GBF1: variants seen among roughly 807,000 people sequenced by gnomAD.
GBF1 encodes the protein golgi brefeldin A resistant guanine nucleotide exchange factor 1, also known as Golgi-specific brefeldin A-resistance guanine nucleotide exchange factor 1.
A neutral mutation model predicts 210.5 loss-of-function variants in GBF1; 114 were observed. That is an observed-to-expected ratio of 0.54 (90% CI 0.47 to 0.63). GBF1 has a LOEUF of 0.63. Among genes scored for constraint, GBF1 ranks in the 30% least tolerant of loss-of-function variants. The probability of loss-of-function intolerance (pLI) is 0.00; values close to 1 mark genes in which losing one functional copy is unlikely to be tolerated. For missense variants in GBF1, 1,851 were observed against 2,357.7 expected (o/e 0.79, Z 4.45); for synonymous variants, 850 against 889.2 (o/e 0.96, Z 0.78).
At chr10:102,262,202 A>C (rs1167607114) in intron 3 of GBF1, among the ~76,000 whole-genome samples, 2 of 152,212 alleles carry the variant, frequency 1.3e-5, no homozygotes, top group African/African-American at 4.8e-5. Flanking sequence ...TGGAAATGTT[A>C]GCTAAGAAGG....
At chr10:102,360,517 G>C in intron 12 of GBF1, 122 bp downstream of exon 12, 1 of 666,222 alleles carries the variant, frequency 1.5e-6, no homozygotes, top group Non-Finnish European at 2.6e-6. Context: ...CAGTTGGCTA[G>C]TAGTTTTAGT....
chr10:102,327,339 A>G (rs111669791), intron 3 of GBF1, among the ~76,000 whole-genome samples: 1,857 of 152,320 alleles, frequency 0.012, 32 homozygotes, highest in African/African-American at 0.043. Flanking sequence ...GTGCAGCAAC[A>G]TTGAAGAACT....
At chr10:102,301,026 C>A (rs1272075379) in intron 3 of GBF1, among the ~76,000 whole-genome samples, 5 of 145,328 alleles carry the variant, frequency 3.4e-5, no homozygotes, top group African/African-American at 1.0e-4. Flanking sequence ...GTGTTTCTCG[C>A]AGAGGGGGAT....
At chr10:102,258,533 A>T (rs2072747669) in intron 1 of GBF1, among the ~76,000 whole-genome samples, 1 of 149,220 alleles carries the variant, frequency 6.7e-6, no homozygotes, top group South Asian at 2.2e-4. Flanking sequence ...GCACTTTGGG[A>T]GGCCCAGGCG....
intron 29 of GBF1, among the ~76,000 whole-genome samples, chr10:102,372,008 G>C (rs2060235795): frequency 6.6e-6 from 1 of 151,842 alleles, no homozygotes; most frequent in Non-Finnish European, 1.5e-5. Context: ...ACGAGGTCAG[G>C]AGATCAAGAC....
Position 102,345,646 on chromosome 10 carries a change from CAAAAAAAAAAAAA to C in GBF1, c.295+1478_295+1490del, listed in dbSNP as rs59037566. ...TGGGTGACAGAGCAAGACTCCGTCTCAAAAAAAAAAAAAAAAAAAAAAAAAAGCAGATAGTATT... is the reference window on the plus strand; with the variant it reads ...TGGGTGACAGAGCAAGACTCCGTCTCAAAAAAAAAAAAAGCAGATAGTATT... On this transcript the variant is annotated intron_variant, in intron 4 of 39. Coordinates refer to ENST00000369983, the MANE Select transcript of GBF1 (RefSeq NM_001377137.1). 1.7e-3 allele frequency among the ~76,000 whole-genome samples: 30 copies of C among 18,006 alleles called. No individual in the cohort carries two copies. In the East Asian group the frequency reaches 0.038, roughly 23 times the overall value. The allele number at this position is 18,006 out of a possible 152,430, so 11.8% of individuals were successfully genotyped here.
chr10:102,309,695 A>G (rs1174499012), intron 3 of GBF1, among the ~76,000 whole-genome samples: 1 of 152,152 alleles, frequency 6.6e-6, no homozygotes, highest in African/African-American at 2.4e-5. Context: ...TAGTTAAATC[A>G]TAACCTAGTT....
At chr10:102,246,033 T>C (rs1156959411) in intron 1 of GBF1, among the ~76,000 whole-genome samples, 1 of 152,226 alleles carries the variant, frequency 6.6e-6, no homozygotes, top group African/African-American at 2.4e-5. Flanking sequence ...CCAAATCTTC[T>C]GTTTTCCCAG....
chr10:102,293,736 A>G (rs1415467709), intron 3 of GBF1, among the ~76,000 whole-genome samples: 8 of 149,790 alleles, frequency 5.3e-5, no homozygotes, highest in Admixed American at 4.0e-4. Context: ...ATAAAGATAT[A>G]AGAAAATATT....
At chr10:102,248,994 G>A (rs4244350) in intron 1 of GBF1, among the ~76,000 whole-genome samples, 101,966 of 152,082 alleles carry the variant, frequency 0.67, 34,812 homozygotes, top group African/African-American at 0.81. Context: ...CTGTTTTAGA[G>A]TGCAGGCACA....
At chr10:102,344,311 AG>A in intron 4 of GBF1, 129 bp downstream of exon 4, 1 of 768,092 alleles carries the variant, frequency 1.3e-6, no homozygotes, top group Non-Finnish European at 2.2e-6. Flanking sequence ...CTTGTAGAAG[AG>A]AAATAGGATT....
At chr10:102,269,921 G>A (rs916425929) in intron 3 of GBF1, among the ~76,000 whole-genome samples, 4 of 147,514 alleles carry the variant, frequency 2.7e-5, no homozygotes, top group East Asian at 2.0e-4. Flanking sequence ...CTCTGTCACC[G>A]CGGCTAGAGT....
intron 1 of GBF1, among the ~76,000 whole-genome samples, chr10:102,257,934 C>T (rs1000556308): frequency 3.3e-4 from 50 of 152,150 alleles, no homozygotes; most frequent in African/African-American, 1.1e-3. Context: ...ACAGTTGTAT[C>T]TGTGTACTTA....
chr10:102,373,891 T>C (rs75335272), intron 29 of GBF1, among the ~76,000 whole-genome samples: 84 of 152,344 alleles, frequency 5.5e-4, no homozygotes, highest in African/African-American at 2.0e-3. Context: ...TGACTTTCAA[T>C]AGGTGAATAA....
chr10:102,333,011 C>T (rs1423185166), intron 3 of GBF1, among the ~76,000 whole-genome samples: 1 of 152,164 alleles, frequency 6.6e-6, no homozygotes, highest in Non-Finnish European at 1.5e-5. Flanking sequence ...GCATTTACTT[C>T]CAAATGGTAC....
Position 102,369,378 on chromosome 10 carries a change from T to G in GBF1, c.3141T>G (p.Ala1047=). The part of the protein sequence containing the change: ...QLFRAQLLPK[A]MIEVEDFVDP... ...TCCGAGCCCAACTACTGCCCAAGGC[T>G]ATGATAGAGGTAATTCTTAGTAGGA... Residue 1047 remains alanine (A), a synonymous_variant, in exon 24 of 40, where the codon GCT becomes GCG. Coordinates refer to ENST00000369983, the MANE Select transcript of GBF1 (RefSeq NM_001377137.1). The G allele has an allele frequency of 6.2e-7, 1 of 1,611,730 alleles. No homozygotes were observed. Among genetic ancestry groups the G allele is most frequent in the South Asian group, 1.1e-5 (1 of 91,032 alleles).
chr10:102,293,891 C>T (rs1286129760), intron 3 of GBF1, among the ~76,000 whole-genome samples: 1 of 149,606 alleles, frequency 6.7e-6, no homozygotes, highest in African/African-American at 2.5e-5. Context: ...CATTCTCCTG[C>T]CTCAGCTTCC....
At chr10:102,291,035 C>T (rs1487157624) in intron 3 of GBF1, among the ~76,000 whole-genome samples, 3 of 152,148 alleles carry the variant, frequency 2.0e-5, no homozygotes, top group African/African-American at 7.2e-5. Context: ...TATCTCTTGG[C>T]CACTTATTGG....
intron 3 of GBF1, among the ~76,000 whole-genome samples, chr10:102,328,882 T>G (rs1341527283): frequency 6.6e-6 from 1 of 152,194 alleles, no homozygotes; most frequent in Non-Finnish European, 1.5e-5. Flanking sequence ...ACAATGAAAT[T>G]TTTTACTAGA....
Sources: gnomAD v4.1 joint callset for allele counts (sites outside exome capture counted in the v4.1 genomes callset) on GRCh38, gnomAD v4.1.1 for gene constraint, MANE v1.5 for transcripts, NCBI Gene and HGNC (gene_info 2026-07-23, HGNC 2026-07-21) for gene names.